ACP6: variants seen among roughly 807,000 people sequenced by gnomAD.
ACP6 encodes lysophosphatidic acid phosphatase type 6.
Under a neutral mutation model 48.1 loss-of-function variants are expected in ACP6, and 48 were observed. The observed-to-expected ratio is 1.00, with a 90% CI of 0.79 to 1.27. The LOEUF is 1.27. Ranked by LOEUF, ACP6 falls within the 50% of genes most tolerant of loss-of-function variation. The probability of loss-of-function intolerance (pLI) is 0.00; values close to 1 mark genes in which losing one functional copy is unlikely to be tolerated. For synonymous variants in ACP6, 172 were observed against 204.2 expected, an observed-to-expected ratio of 0.84 and a Z score of 1.34; for missense variants, 485 against 529.1, an observed-to-expected ratio of 0.92 and a Z score of 0.82.
chr1:147,651,700 C>T (rs992880573), intron 7 of ACP6: 4 of 152,086 alleles, frequency 2.6e-5, no homozygotes, highest in African/African-American at 9.7e-5. Context: ...GTCAGGGGCT[C>T]TTATCCTTGG....
At chr1:147,664,690 C>A (rs1406085908) in intron 1 of ACP6, among the ~76,000 whole-genome samples, 1 of 152,146 alleles carries the variant, frequency 6.6e-6, no homozygotes, top group Non-Finnish European at 1.5e-5. Context: ...GTGGAAGATA[C>A]CCATCTTGAG....
chr1:147,644,767 A>T lies in ACP6; in HGVS notation c.*2656T>A, dbSNP rs1553209264. 6.6e-6 allele frequency: 1 copy of T among 152,186 alleles called. No individual in the cohort carries two copies. Among genetic ancestry groups the T allele is most frequent in the South Asian group, 2.1e-4 (1 of 4,834 alleles). The allele number at this position is 152,186 out of a possible 1,614,324, so 9.4% of individuals were successfully genotyped here. On this transcript the variant is annotated 3_prime_UTR_variant, in exon 10 of 10. Coordinates refer to ENST00000583509, the MANE Select transcript of ACP6 (RefSeq NM_016361.5). ...GTGAATGGTGGTGTCATTTACCTAGATGGGAAAGCCTGTGGAAGGAGTAAG... is the reference window on the plus strand; with the variant it reads ...GTGAATGGTGGTGTCATTTACCTAGTTGGGAAAGCCTGTGGAAGGAGTAAG...
At chr1:147,637,595 C>T (rs1659330743), downstream of ACP6, among the ~76,000 whole-genome samples, 1 of 152,190 alleles carries the variant, frequency 6.6e-6, no homozygotes, top group South Asian at 2.1e-4. Context: ...TGGAACATCA[C>T]TTCCTTCATT....
intron 7 of ACP6, 23 bp downstream of exon 7, chr1:147,652,426 T>C: frequency 1.2e-6 from 2 of 1,602,108 alleles, no homozygotes; most frequent in South Asian, 1.1e-5. Flanking sequence ...CGTGACTTCA[T>C]GCCAGCAGTG....
chr1:147,641,978 A>G (rs79740410), downstream of ACP6, among the ~76,000 whole-genome samples: 9,304 of 152,264 alleles, frequency 0.061, 781 homozygotes, highest in African/African-American at 0.19. Context: ...GAAAATAAGA[A>G]TACTTGAAGG....
rs1553210261 is a variant in ACP6 at position 147,650,206 on chromosome 1, A to T, written c.914T>A (p.Leu305His). 6.2e-7 allele frequency: 1 copy of T among 1,605,494 alleles called. No homozygotes were observed. Among genetic ancestry groups the T allele is most frequent in the South Asian group, 1.1e-5 (1 of 89,522 alleles). The change falls in exon 8 of 10, where the codon CTC becomes CAC. Residue 305 changes from leucine (L) to histidine (H), a missense_variant. By Grantham distance (99) the Leu-to-His change is moderately conservative. Transcript: ENST00000583509. ...ESLQMAVGPF[L>H]HILESNLLKA... ...CAGCAGGTTGCTCTCTAGGATGTGG[A>T]GGAATGGGCCTACTGCCATCTGAAG...
rs1206319678 is a variant in ACP6, at chr1:147,652,301, TA to T, written c.881+147del. ...TGTAGAAGTGCGAGGACCTAGGGCCTACTGGTAGGTGGGCAGAATGGGGTTC... is the reference window on the plus strand; with the variant it reads ...TGTAGAAGTGCGAGGACCTAGGGCCTCTGGTAGGTGGGCAGAATGGGGTTC... On this transcript the variant is annotated intron_variant, in intron 7 of 9. Coordinates refer to ENST00000583509, the MANE Select transcript of ACP6 (RefSeq NM_016361.5). The T allele has an allele frequency of 8.2e-6, 6 of 729,028 alleles. No individual in the cohort carries two copies. The African/African-American group carries it at 1.1e-4, about 13-fold the overall frequency. The allele number at this position is 729,028 out of a possible 1,614,324, so 45.2% of individuals were successfully genotyped here. A position where few individuals can be genotyped will look rare whatever the true frequency, so the allele number is the denominator to read the frequency against.
chr1:147,664,600 A>T (rs1222829795), intron 1 of ACP6, among the ~76,000 whole-genome samples: 3 of 152,196 alleles, frequency 2.0e-5, no homozygotes, highest in Non-Finnish European at 2.9e-5. Context: ...AGACTCGGTC[A>T]TCTATTGACT....
chr1:147,647,471 G>C lies in ACP6; in HGVS notation c.1239C>G (p.His413Gln). Residue 413 changes from histidine to glutamine, a missense_variant, in exon 10 of 10, where the codon CAC (histidine) becomes CAG (glutamine). Coordinates refer to ENST00000583509, the MANE Select transcript of ACP6 (RefSeq NM_016361.5). ...TCACCTGAGTTTGAGAGCAGAGTGC[G>C]TGGTATTTTTCTGGGCTTAAGGTAT... ...SVYTLSPEKY[H>Q]ALCSQTQVME... The C allele has an allele frequency of 6.2e-7, 1 of 1,613,890 alleles. No homozygotes were observed. Among genetic ancestry groups the C allele is most frequent in the Non-Finnish European group, 8.5e-7 (1 of 1,179,968 alleles).
At chr1:147,662,388 CT>C (rs1392727861) in intron 1 of ACP6, among the ~76,000 whole-genome samples, 2 of 152,062 alleles carry the variant, frequency 1.3e-5, no homozygotes, top group African/African-American at 2.4e-5. Context: ...AATTGAAAAC[CT>C]TATGGAAAGA....
Position 147,659,793 on chromosome 1 carries a change from A to C in ACP6, c.220-18T>G, listed in dbSNP as rs782367169. On this transcript the variant is annotated intron_variant, in intron 1 of 9. Coordinates refer to ENST00000583509, the MANE Select transcript of ACP6 (RefSeq NM_016361.5). ...CACTCTACCTGTTAGTACAAAAAAA[A>C]CACACCACATTGTTTAAAAATGGTT... The C allele has an allele frequency of 4.0e-5, 65 of 1,611,782 alleles. 1 individual carries two copies. Among genetic ancestry groups the C allele is most frequent in the Admixed American group, 1.2e-4 (7 of 59,874 alleles).
chr1:147,654,963 C>A (rs1553211333), intron 5 of ACP6, among the ~76,000 whole-genome samples, 198 bp downstream of exon 5: 1 of 152,218 alleles, frequency 6.6e-6, no homozygotes, highest in African/African-American at 2.4e-5. Flanking sequence ...CTGGCCTTCA[C>A]CATGGGTCTG....
chr1:147,633,248 G>C (rs1389186248), intron 5 of ACP6, among the ~76,000 whole-genome samples: 1 of 152,128 alleles, frequency 6.6e-6, no homozygotes, highest in Non-Finnish European at 1.5e-5. Context: ...CCTTCAGATA[G>C]TTGAAAACAG....
downstream of ACP6, among the ~76,000 whole-genome samples, chr1:147,641,700 C>A (rs1378956039): frequency 6.6e-6 from 1 of 152,216 alleles, no homozygotes; most frequent in Non-Finnish European, 1.5e-5. Flanking sequence ...CAGGACAAAT[C>A]ATCAGGTAGA....
At chr1:147,654,387 G>A (rs933120067) in intron 5 of ACP6, 61 bp from the exon 6 acceptor site, 86 of 1,580,154 alleles carry the variant, frequency 5.4e-5, no homozygotes, top group Non-Finnish European at 6.5e-5. Flanking sequence ...TACAAAGTGT[G>A]CTTCACACTT....
chr1:147,659,484 G>C lies in ACP6; in HGVS notation c.391C>G (p.Gln131Glu). Reference sequence around the variant, plus strand: ...AGTCTCTCTCCCAAGGCAAACATTTGCTGCATGCCCACCTTGGTCAGCTGC... The same window carrying C: ...AGTCTCTCTCCCAAGGCAAACATTTCCTGCATGCCCACCTTGGTCAGCTGC... ...AGQLTKVGMQQMFALGERLRK... is the reference protein window; with the variant it reads ...AGQLTKVGMQEMFALGERLRK... The change falls in exon 3 of 10, where the codon CAA becomes GAA. Residue 131 changes from glutamine (Q) to glutamate (E), a missense_variant. Coordinates refer to ENST00000583509, the MANE Select transcript of ACP6 (RefSeq NM_016361.5). 6.2e-7 allele frequency: 1 copy of C among 1,614,216 alleles called. No homozygotes were observed. Among genetic ancestry groups the C allele is most frequent in the African/African-American group, 1.3e-5 (1 of 75,056 alleles).
intron 9 of ACP6, 152 bp from the exon 10 acceptor site, chr1:147,647,718 C>T (rs1455436837): frequency 2.0e-6 from 2 of 1,010,630 alleles, no homozygotes; most frequent in Non-Finnish European, 2.8e-6. Context: ...GGTGAGCTTC[C>T]AGAATAAAAG....
intron 6 of ACP6, among the ~76,000 whole-genome samples, chr1:147,653,046 C>T (rs1660037265): frequency 1.3e-5 from 2 of 152,284 alleles, no homozygotes; most frequent in Non-Finnish European, 2.9e-5. Context: ...CCAGGATGGT[C>T]TCAATCTCCT....
chr1:147,651,163 G>A (rs587655862), intron 7 of ACP6: 6 of 152,294 alleles, frequency 3.9e-5, no homozygotes, highest in Admixed American at 3.3e-4. Context: ...AACACTGTAT[G>A]CAACACATAC....
Sources: allele counts gnomAD v4.1 joint callset (sites outside exome capture counted in the v4.1 genomes callset), GRCh38; gene constraint gnomAD v4.1.1; transcripts MANE v1.5; gene names NCBI Gene and HGNC (gene_info 2026-07-23, HGNC 2026-07-21).